The following KYAT3 variants were observed in gnomAD, a reference collection of about 807,000 sequenced individuals.
KYAT3 encodes kynurenine--oxoglutarate transaminase 3.
KYAT3 carries 50 observed loss-of-function variants against 59.0 expected under a neutral mutation model. That is an observed-to-expected ratio of 0.85 (90% CI 0.68 to 1.07). The LOEUF (loss-of-function observed/expected upper bound fraction) is 1.07, where lower values mean the gene tolerates loss of function less well. KYAT3 is among the 50% of genes least tolerant of loss of function. The probability of loss-of-function intolerance (pLI) is 0.00; values close to 1 mark genes in which losing one functional copy is unlikely to be tolerated. For synonymous variants in KYAT3, 148 were observed against 177.0 expected (o/e 0.84, Z 1.30); for missense variants, 497 against 533.3 (o/e 0.93, Z 0.67).
intron 2 of KYAT3, chr1:88,983,348 G>A: frequency 8.1e-6 from 13 of 1,614,094 alleles, no homozygotes; most frequent in Non-Finnish European, 1.0e-5. Context: ...CTTAGGAGAA[G>A]GACCCCCACT....
downstream of KYAT3, among the ~76,000 whole-genome samples, chr1:88,932,572 C>T (rs572119569): frequency 1.3e-5 from 2 of 152,260 alleles, no homozygotes; most frequent in South Asian, 2.1e-4. Flanking sequence ...CAGCTCACTG[C>T]AGCCTCAACC....
chr1:88,975,326 T>G (rs1676736201), intron 2 of KYAT3, among the ~76,000 whole-genome samples: 1 of 152,160 alleles, frequency 6.6e-6, no homozygotes, highest in South Asian at 2.1e-4. Flanking sequence ...TAATTTTTTG[T>G]ATTTTTAGGA....
intron 2 of KYAT3, among the ~76,000 whole-genome samples, chr1:88,978,928 T>G (rs775830144): frequency 6.6e-6 from 1 of 152,124 alleles, no homozygotes; most frequent in South Asian, 2.1e-4. Context: ...GTGCTGGGAT[T>G]GCAGGCATGA....
chr1:88,987,987 G>T (rs918046198), intron 2 of KYAT3, among the ~76,000 whole-genome samples: 1 of 152,076 alleles, frequency 6.6e-6, no homozygotes, highest in Admixed American at 6.6e-5. Context: ...CATGCCACTG[G>T]ACCTATATTC....
At chr1:88,923,306 G>C in the KYAT3 span, 4 of 152,196 alleles carry the variant, frequency 2.6e-5, no homozygotes, top group African/African-American at 9.6e-5. Context: ...TTAAGTCACA[G>C]TTTAAAAATT....
Position 88,943,435 on chromosome 1 carries a change from A to C in KYAT3, c.1142-12T>G. ...AGAGAGGTCTGGATCTAAAACCACA[A>C]TGAAAATTAGGTGGCCTATGAATTT... On this transcript the variant is annotated splice_polypyrimidine_tract_variant and intron_variant, in intron 11 of 13. Coordinates refer to ENST00000260508, the MANE Select transcript of KYAT3 (RefSeq NM_001008661.3). 6.9e-7 allele frequency: 1 copy of C among 1,457,842 alleles called. No homozygotes were observed. Among genetic ancestry groups the C allele is most frequent in the Non-Finnish European group, 9.4e-7 (1 of 1,064,058 alleles). 90.3% of individuals were successfully genotyped at this position (1,457,842 alleles called of 1,614,324 possible).
chr1:88,990,841 A>G (rs1570861952), intron 1 of KYAT3, among the ~76,000 whole-genome samples: 2 of 152,360 alleles, frequency 1.3e-5, no homozygotes, highest in Admixed American at 1.3e-4. Context: ...TTTCTAATGC[A>G]ATCAACATTG....
chr1:88,990,403 C>T (rs1677719715), intron 1 of KYAT3, among the ~76,000 whole-genome samples: 1 of 152,194 alleles, frequency 6.6e-6, no homozygotes, highest in African/African-American at 2.4e-5. Flanking sequence ...GACTTTTCAC[C>T]CATTACTCCA....
chr1:88,954,908 T>C (rs1327177990), intron 9 of KYAT3, among the ~76,000 whole-genome samples: 2 of 152,196 alleles, frequency 1.3e-5, no homozygotes, highest in African/African-American at 2.4e-5. Flanking sequence ...ACTGCAGGCA[T>C]GCACCACCCT....
At position 88,968,682 on chromosome 1, in the gene KYAT3, A is replaced by G. The variant is rs751283730; in HGVS notation, c.291T>C (p.Tyr97=). The change falls in exon 4 of 14, where the codon TAT becomes TAC. Residue 97 remains tyrosine, a synonymous_variant. Transcript: ENST00000260508. ...KIAAIDSLNQ[Y]TRGFGHPSLV... ...TTGATATACTTACAAAGCCTCGTGT[A>G]TACTGATTCAGGCTATCGATTGCTG... The G allele has an allele frequency of 5.1e-6, 8 of 1,583,522 alleles. No homozygotes were observed. In the South Asian group the frequency reaches 9.5e-5, roughly 19 times the overall value.
At chr1:88,982,951 A>G (rs2101083155) in intron 2 of KYAT3, 1 of 1,613,904 alleles carries the variant, frequency 6.2e-7, no homozygotes, top group Non-Finnish European at 8.5e-7. Flanking sequence ...GTGGAGCACT[A>G]CGTGAGTTAC....
chr1:88,931,299 C>T (rs890287429), downstream of KYAT3, among the ~76,000 whole-genome samples: 1 of 152,182 alleles, frequency 6.6e-6, no homozygotes, highest in Non-Finnish European at 1.5e-5. Flanking sequence ...CTTTAACCTC[C>T]TTGTTAAGTT....
chr1:88,989,934 T>C (rs1241096781), intron 1 of KYAT3, among the ~76,000 whole-genome samples: 1 of 152,150 alleles, frequency 6.6e-6, no homozygotes, highest in Non-Finnish European at 1.5e-5. Context: ...TGGTCATCAG[T>C]CTTAAATTGA....
At chr1:88,957,225 A>G (rs1675956957) in intron 8 of KYAT3, among the ~76,000 whole-genome samples, 1 of 152,214 alleles carries the variant, frequency 6.6e-6, no homozygotes, top group African/African-American at 2.4e-5. Flanking sequence ...AAGATAAATG[A>G]GAAAAATAGT....
At chr1:88,978,018 T>A (rs1170441021) in intron 2 of KYAT3, among the ~76,000 whole-genome samples, 1 of 152,146 alleles carries the variant, frequency 6.6e-6, no homozygotes, top group Non-Finnish European at 1.5e-5. Context: ...ACAGAATGTA[T>A]CCCAGTTTTT....
chr1:88,983,151 G>A, intron 2 of KYAT3: 2 of 1,612,452 alleles, frequency 1.2e-6, no homozygotes, highest in Non-Finnish European at 1.7e-6. Context: ...CGAGAACTTG[G>A]GTAATCTCTG....
In KYAT3 at chr1:88,969,428, C is replaced by T. The variant is rs767214482; in HGVS notation, c.139G>A (p.Gly47Arg). The T allele has an allele frequency of 6.3e-7, 1 of 1,575,018 alleles. No individual in the cohort carries two copies. The highest frequency in any genetic ancestry group is 2.2e-5 in the East Asian group (1 of 44,642). ...LKFTNAKRIEGLDSNVWIEFT... is the reference protein window; with the variant it reads ...LKFTNAKRIERLDSNVWIEFT... ...ACTCACCACACATTACTATCAAGTC[C>T]TTCAATCCGTTTTGCATTTGTGAAT... is the stretch of plus-strand genomic sequence containing the variant. The change falls in exon 3 of 14, where the codon GGA becomes AGA. Residue 47 changes from glycine to arginine, a missense_variant. Transcript: ENST00000260508.
At chr1:88,977,980 T>G (rs1676872227) in intron 2 of KYAT3, among the ~76,000 whole-genome samples, 1 of 152,210 alleles carries the variant, frequency 6.6e-6, no homozygotes, top group Admixed American at 6.5e-5. Context: ...ATATACCATC[T>G]AGGTTTGTGT....
At chr1:88,935,370 G>T (rs568273160), downstream of KYAT3, among the ~76,000 whole-genome samples, 2 of 112,652 alleles carry the variant, frequency 1.8e-5, no homozygotes, top group African/African-American at 6.4e-5. Flanking sequence ...GAGAGAGAGA[G>T]AGAGAGAAAA....
Sources: allele counts gnomAD v4.1 joint callset (sites outside exome capture counted in the v4.1 genomes callset), GRCh38; gene constraint gnomAD v4.1.1; transcripts MANE v1.5; gene names NCBI Gene and HGNC (gene_info 2026-07-23, HGNC 2026-07-21).